Variants in COL18A1 observed in about 807,000 individuals in gnomAD.
COL18A1 encodes collagen alpha-1(XVIII) chain.
COL18A1 carries 133 observed loss-of-function variants against 168.0 expected under a neutral mutation model. The observed-to-expected ratio is 0.79, with a 90% CI of 0.69 to 0.91. COL18A1 has a LOEUF of 0.91. COL18A1 is among the 40% of genes least tolerant of loss of function. The probability of loss-of-function intolerance (pLI) is 0.00; values close to 1 mark genes in which losing one functional copy is unlikely to be tolerated. For missense variants in COL18A1, 2,126 were observed against 1,925.4 expected (o/e 1.10, Z -1.95); for synonymous variants, 949 against 809.0 (o/e 1.17, Z -2.94).
At chr21:45,446,742 A>C (rs757321957) in intron 2 of COL18A1, among the ~76,000 whole-genome samples, 1 of 152,250 alleles carries the variant, frequency 6.6e-6, no homozygotes, top group African/African-American at 2.4e-5. Context: ...AATTATGGAC[A>C]CAGAAATCCT....
intron 22 of COL18A1, 39 bp downstream of exon 22, chr21:45,491,353 A>G (rs759622831): frequency 5.2e-5 from 70 of 1,354,062 alleles, no homozygotes; most frequent in Non-Finnish European, 7.0e-5. Context: ...ATCTGTCCAG[A>G]CCCCCCACGG....
At chr21:45,452,727 C>T (rs999710425) in intron 2 of COL18A1, among the ~76,000 whole-genome samples, 19 of 148,608 alleles carry the variant, frequency 1.3e-4, no homozygotes, top group South Asian at 6.3e-4. Context: ...TCACATGTGA[C>T]GTGTGAGCAT....
chr21:45,409,796 G>A (rs959730627), intron 2 of COL18A1, among the ~76,000 whole-genome samples: 5 of 152,228 alleles, frequency 3.3e-5, no homozygotes, highest in Admixed American at 6.5e-5. Context: ...GTGAGCGGCC[G>A]CTGGCAATTG....
chr21:45,510,120 G>A lies in COL18A1; in HGVS notation c.3552G>A (p.Gly1184=), dbSNP rs1200450248. Residue 1184 remains glycine (G), a synonymous_variant, in exon 40 of 42, where the codon GGG becomes GGA. Coordinates refer to ENST00000651438, the MANE Select transcript of COL18A1 (RefSeq NM_001379500.1). ...CAGGCGGCATGCGGGGCATCCGCGG[G>A]GCCGACTTCCAGTGCTTCCAGCAGG... ...PLSGGMRGIR[G]ADFQCFQQAR... is the part of the protein sequence containing the mutation. 3 of 1,598,400 alleles carry A rather than the reference G, an allele frequency of 1.9e-6. No individual in the cohort carries two copies. The highest frequency in any genetic ancestry group is 2.6e-6 in the Non-Finnish European group (3 of 1,173,940).
Position 45,497,920 on chromosome 21 carries a change from A to G in COL18A1, c.2683+259A>G. The G allele has an allele frequency of 6.6e-6, 4 of 607,578 alleles. No individual in the cohort carries two copies. The South Asian group carries it at 7.9e-5, about 12-fold the overall frequency. The allele number at this position is 607,578 out of a possible 1,614,324, so 37.6% of individuals were successfully genotyped here. On this transcript the variant is annotated intron_variant, in intron 32 of 41. Coordinates refer to ENST00000651438, the MANE Select transcript of COL18A1 (RefSeq NM_001379500.1). ...CTGAGGAGCAGATGGCTGCCCTTCC[A>G]TGCTAGACCCAGGTGGGCACTGCGC...
At position 45,490,518 on chromosome 21, in the gene COL18A1, CCA is replaced by C. The variant is rs71851609; in HGVS notation, c.2031+174_2031+175del. On this transcript the variant is annotated intron_variant, in intron 20 of 41. Transcript: ENST00000651438. Reference sequence around the variant, plus strand: ...CCCGGGTCTCTGGGCCTCCGTGTGCCCACTCCCGGGTCTCTGGGCCTCCGTGT... The same window carrying C: ...CCCGGGTCTCTGGGCCTCCGTGTGCCCTCCCGGGTCTCTGGGCCTCCGTGT... Among the ~76,000 whole-genome samples, 2,876 of 79,400 alleles carry C rather than the reference CCA, an allele frequency of 0.036. 19 individuals carry two copies. Among genetic ancestry groups the C allele is most frequent in the Middle Eastern group, 0.062 (8 of 128 alleles). 52.1% of individuals were successfully genotyped at this position (79,400 alleles called of 152,430 possible).
At chr21:45,410,478 G>C (rs914226) in intron 2 of COL18A1, among the ~76,000 whole-genome samples, 125,505 of 152,220 alleles carry the variant, frequency 0.82, 52,086 homozygotes, top group African/African-American at 0.92. Context: ...GAGCCACAGG[G>C]AGGAAGGCCA....
intron 2 of COL18A1, among the ~76,000 whole-genome samples, chr21:45,448,696 A>G (rs958215248): frequency 3.3e-5 from 5 of 152,246 alleles, no homozygotes; most frequent in Admixed American, 1.3e-4. Flanking sequence ...GAAGTTTACA[A>G]TCATTCTGTC....
intron 41 of COL18A1, 117 bp from the exon 42 acceptor site, chr21:45,512,071 C>A: frequency 1.8e-6 from 2 of 1,138,822 alleles, no homozygotes; most frequent in South Asian, 1.3e-5. Flanking sequence ...GGAGCCTCTG[C>A]AGCCCCCTGG....
intron 2 of COL18A1, among the ~76,000 whole-genome samples, chr21:45,436,342 G>A (rs1053836459): frequency 1.1e-4 from 16 of 152,340 alleles, no homozygotes; most frequent in East Asian, 3.9e-4. Flanking sequence ...CCCATCCAGC[G>A]TGTGCAGTGG....
At position 45,488,464 on chromosome 21, in the gene COL18A1, G is replaced by A. The variant is rs767989461; in HGVS notation, c.1923+20G>A. On this transcript the variant is annotated intron_variant, in intron 18 of 41. Transcript: ENST00000651438. Reference sequence around the variant, plus strand: ...CTTAAGGTCAGTGACGGATATGTCTGGGTTTCTGTGGTTGCTGGCTTGGCC... The same window carrying A: ...CTTAAGGTCAGTGACGGATATGTCTAGGTTTCTGTGGTTGCTGGCTTGGCC... 9 of 1,613,758 alleles carry A rather than the reference G, an allele frequency of 5.6e-6. No individual in the cohort carries two copies. The highest frequency in any genetic ancestry group is 2.7e-5 in the African/African-American group (2 of 74,920).
chr21:45,512,319 T>C lies in COL18A1; in HGVS notation c.3941T>C (p.Leu1314Pro). The change falls in exon 42 of 42, where the codon CTG (leucine) becomes CCG (proline). Residue 1314 changes from leucine (L) to proline (P), a missense_variant. By Grantham distance (98) the Leu-to-Pro change is moderately conservative. Coordinates refer to ENST00000651438, the MANE Select transcript of COL18A1 (RefSeq NM_001379500.1). ...TCCTCGCTGCTGGGGGGCAGGCTCC[T>C]GGGGCAGAGTGCCGCGAGCTGCCAT... is the stretch of plus-strand genomic sequence containing the variant. ...QASSLLGGRL[L>P]GQSAASCHHA... The C allele has an allele frequency of 6.2e-7, 1 of 1,612,546 alleles. No homozygotes were observed. Among genetic ancestry groups the C allele is most frequent in the Non-Finnish European group, 8.5e-7 (1 of 1,179,794 alleles).
In COL18A1 at chr21:45,496,563, A is replaced by C; in HGVS notation, c.2572A>C (p.Ser858Arg). 1 of 1,456,428 alleles carries C rather than the reference A, an allele frequency of 6.9e-7. No homozygotes were observed. Among genetic ancestry groups the C allele is most frequent in the Non-Finnish European group, 9.6e-7 (1 of 1,037,154 alleles). 90.2% of individuals were successfully genotyped at this position (1,456,428 alleles called of 1,614,324 possible). Reference protein sequence around the residue: ...PGPPGTPVYDSNVFAESSRPG... With the variant: ...PGPPGTPVYDRNVFAESSRPG... ...CCCTCCAGGGACTCCTGTTTACGACAGCAATGTAAGTCCCCAGGGCACCCA... is the reference window on the plus strand; with the variant it reads ...CCCTCCAGGGACTCCTGTTTACGACCGCAATGTAAGTCCCCAGGGCACCCA... The change falls in exon 30 of 42, where the codon AGC (serine) becomes CGC (arginine). Residue 858 changes from serine to arginine, a missense_variant. Coordinates refer to ENST00000651438, the MANE Select transcript of COL18A1 (RefSeq NM_001379500.1).
At chr21:45,476,033 T>C (rs1298589051) in intron 5 of COL18A1, among the ~76,000 whole-genome samples, 2 of 152,082 alleles carry the variant, frequency 1.3e-5, no homozygotes, top group African/African-American at 4.8e-5. Context: ...GAGAGACGGG[T>C]GCGGGAACGT....
chr21:45,452,164 A>G lies in COL18A1; in HGVS notation c.107-16078A>G, dbSNP rs531296860. Among the ~76,000 whole-genome samples, 25 of 152,358 alleles carry G rather than the reference A, an allele frequency of 1.6e-4. 1 individual carries two copies. The highest frequency in any genetic ancestry group is 1.2e-3 in the Admixed American group (19 of 15,310). On this transcript the variant is annotated intron_variant, in intron 2 of 41. Transcript: ENST00000651438. The stretch of plus-strand genomic sequence containing the variant: ...GGGCACCCAGATCCTGGAACGAGCC[A>G]CAGTCGGGCCCTTTACACAGAGCTG...
chr21:45,411,778 A>AGGG (rs1569273645), intron 2 of COL18A1, among the ~76,000 whole-genome samples: 1 of 108,318 alleles, frequency 9.2e-6, no homozygotes, highest in African/African-American at 4.1e-5. Flanking sequence ...GGGGGGGGGC[A>AGGG]GGCTGTGGTC....
chr21:45,507,223 C>CA (rs2037264439), intron 37 of COL18A1: 1 of 260,448 alleles, frequency 3.8e-6, no homozygotes, highest in Non-Finnish European at 6.9e-6. Flanking sequence ...GCTGGGAGGG[C>CA]CGGGTGTTGG....
intron 23 of COL18A1, 51 bp downstream of exon 23, chr21:45,492,615 A>G: frequency 1.9e-6 from 3 of 1,612,100 alleles, no homozygotes; most frequent in Non-Finnish European, 2.5e-6. Context: ...ACCTGGGTAC[A>G]AGGCTGGGTG....
intron 15 of COL18A1, among the ~76,000 whole-genome samples, chr21:45,486,534 T>C (rs9982572): frequency 0.024 from 2,270 of 96,336 alleles, 52 homozygotes; most frequent in South Asian, 0.031. Context: ...CTTCTCCCCT[T>C]GCCTGCCCGG....
Sources: gnomAD v4.1 joint callset for allele counts (sites outside exome capture counted in the v4.1 genomes callset) on GRCh38, gnomAD v4.1.1 for gene constraint, MANE v1.5 for transcripts, NCBI Gene and HGNC (gene_info 2026-07-23, HGNC 2026-07-21) for gene names.